Variants in KCNH1 observed in about 807,000 individuals in gnomAD.
The protein encoded by KCNH1 is potassium voltage-gated channel subfamily H member 1.
Under a neutral mutation model 69.2 loss-of-function variants are expected in KCNH1, and 27 were observed. The ratio of observed to expected loss-of-function variants is 0.39; its 90% CI spans 0.29 to 0.54. The LOEUF (loss-of-function observed/expected upper bound fraction) is 0.54, where lower values mean the gene tolerates loss of function less well. KCNH1 is among the 20% of genes least tolerant of loss of function. KCNH1 has a pLI of 0.68. For missense variants in KCNH1, 798 were observed against 1,261.6 expected (o/e 0.63, Z 5.57); for synonymous variants, 456 against 487.7 (o/e 0.93, Z 0.86).
chr1:210,908,899 G>C (rs985628394), intron 7 of KCNH1, among the ~76,000 whole-genome samples: 2 of 152,184 alleles, frequency 1.3e-5, no homozygotes, highest in African/African-American at 4.8e-5. Context: ...AGAACTCACT[G>C]GTGATTTTTC....
intron 6 of KCNH1, among the ~76,000 whole-genome samples, chr1:211,001,730 C>T (rs562106673): frequency 1.2e-4 from 18 of 152,158 alleles, no homozygotes; most frequent in Admixed American, 2.0e-4. Flanking sequence ...TTTATTGCGG[C>T]GCTATTCACA....
intron 6 of KCNH1, among the ~76,000 whole-genome samples, chr1:210,958,236 C>T (rs975401768): frequency 1.3e-5 from 2 of 152,124 alleles, no homozygotes; most frequent in Non-Finnish European, 2.9e-5. Flanking sequence ...GAATATTGGG[C>T]CCCACTCTCT....
intron 10 of KCNH1, among the ~76,000 whole-genome samples, chr1:210,717,024 G>GAGTT (rs549777289): frequency 4.0e-4 from 61 of 152,290 alleles, no homozygotes; most frequent in African/African-American, 1.4e-3. Context: ...TCTTCCATTT[G>GAGTT]AGTTATATCT....
Position 210,886,597 on chromosome 1 carries a change from T to C in KCNH1, c.1462+33043A>G, listed in dbSNP as rs1273514666. Among the ~76,000 whole-genome samples the C allele has an allele frequency of 2.6e-5, 4 of 151,862 alleles. No individual in the cohort carries two copies. The East Asian group carries it at 7.8e-4, about 29-fold the overall frequency. On this transcript the variant is annotated intron_variant, in intron 7 of 10. Transcript: ENST00000271751. ...CAGAAGGTGTGTAATAACAAACTTCTCCGAGCTAAAGGAGCATGTTCTAAC... is the reference window on the plus strand; with the variant it reads ...CAGAAGGTGTGTAATAACAAACTTCCCCGAGCTAAAGGAGCATGTTCTAAC...
chr1:211,047,335 A>G (rs1276277994), intron 5 of KCNH1, among the ~76,000 whole-genome samples: 1 of 152,236 alleles, frequency 6.6e-6, no homozygotes. Context: ...ATTAAACAAC[A>G]AAATAATGAA....
intron 5 of KCNH1, among the ~76,000 whole-genome samples, chr1:211,055,139 G>A (rs370251038): frequency 4.6e-5 from 7 of 152,098 alleles, no homozygotes; most frequent in East Asian, 1.9e-4. Flanking sequence ...TGGTTTCAAC[G>A]TCATATAAAA....
intron 7 of KCNH1, among the ~76,000 whole-genome samples, chr1:210,834,791 G>A (rs2102444593): frequency 1.3e-5 from 2 of 152,142 alleles, no homozygotes; most frequent in East Asian, 3.9e-4. Flanking sequence ...CCTTACCAAT[G>A]GAAGTAGCAT....
intron 7 of KCNH1, among the ~76,000 whole-genome samples, chr1:210,916,726 G>T (rs931204162): frequency 6.6e-6 from 1 of 152,174 alleles, no homozygotes; most frequent in Non-Finnish European, 1.5e-5. Flanking sequence ...ATTGTGTGTA[G>T]AGTATTTGGC....
intron 10 of KCNH1, among the ~76,000 whole-genome samples, chr1:210,729,705 C>A (rs2149030734): frequency 6.6e-6 from 1 of 152,278 alleles, no homozygotes; most frequent in South Asian, 2.1e-4. Flanking sequence ...ATAACAGATT[C>A]CTTGTTCCTC....
At chr1:210,886,338 G>C (rs1686605388) in intron 7 of KCNH1, among the ~76,000 whole-genome samples, 1 of 152,138 alleles carries the variant, frequency 6.6e-6, no homozygotes, top group South Asian at 2.1e-4. Flanking sequence ...AAACAGAAAG[G>C]AATGGCAACA....
intron 6 of KCNH1, among the ~76,000 whole-genome samples, chr1:210,924,212 TTC>T (rs1410463892): frequency 1.3e-5 from 2 of 152,204 alleles, no homozygotes; most frequent in African/African-American, 4.8e-5. Flanking sequence ...GAGAATAAAT[TTC>T]TGTCATATTA....
At chr1:210,712,885 T>A (rs1260395472) in intron 10 of KCNH1, among the ~76,000 whole-genome samples, 1 of 152,136 alleles carries the variant, frequency 6.6e-6, no homozygotes, top group East Asian at 1.9e-4. Context: ...TTGAAGAAGT[T>A]ACGAACAGTT....
chr1:210,843,039 C>T (rs1685443327), intron 7 of KCNH1, among the ~76,000 whole-genome samples: 1 of 152,166 alleles, frequency 6.6e-6, no homozygotes, highest in Non-Finnish European at 1.5e-5. Context: ...AGTCTTTCCT[C>T]TAAAATGTCC....
intron 10 of KCNH1, among the ~76,000 whole-genome samples, chr1:210,766,475 A>G (rs1479478009): frequency 2.0e-5 from 3 of 152,118 alleles, no homozygotes; most frequent in Non-Finnish European, 4.4e-5. Context: ...CGGTAAGCCA[A>G]GATCATACCA....
At chr1:210,780,271 A>G (rs1005984900) in intron 9 of KCNH1, among the ~76,000 whole-genome samples, 6 of 152,220 alleles carry the variant, frequency 3.9e-5, no homozygotes, top group Admixed American at 3.9e-4. Context: ...GGAGATCAGA[A>G]AAAAATGAAA....
intron 7 of KCNH1, among the ~76,000 whole-genome samples, chr1:210,910,278 A>AAG (rs33913661): frequency 4.4e-5 from 1 of 22,680 alleles, no homozygotes; most frequent in African/African-American, 1.7e-4. Flanking sequence ...ATCAAGCACC[A>AAG]AAAAAAAAAA....
chr1:210,796,726 C>T (rs1684322741), intron 9 of KCNH1, among the ~76,000 whole-genome samples: 1 of 152,106 alleles, frequency 6.6e-6, no homozygotes, highest in Non-Finnish European at 1.5e-5. Flanking sequence ...ACTCCATCTG[C>T]TTCTCTCCAT....
At chr1:210,742,704 G>A (rs1683061210) in intron 10 of KCNH1, among the ~76,000 whole-genome samples, 1 of 152,178 alleles carries the variant, frequency 6.6e-6, no homozygotes, top group Admixed American at 6.5e-5. Context: ...GGGCTCAGGG[G>A]CTCAAGGAGA....
intron 6 of KCNH1, among the ~76,000 whole-genome samples, chr1:210,979,953 C>T (rs1484372304): frequency 1.3e-5 from 2 of 152,166 alleles, no homozygotes; most frequent in African/African-American, 4.8e-5. Context: ...ATATCTTTAG[C>T]TTCTGACAAG....
Sources: gnomAD v4.1 joint callset for allele counts (sites outside exome capture counted in the v4.1 genomes callset) on GRCh38, gnomAD v4.1.1 for gene constraint, MANE v1.5 for transcripts, NCBI Gene and HGNC (gene_info 2026-07-23, HGNC 2026-07-21) for gene names.